Variants in NHS observed in about 807,000 individuals in gnomAD.
NHS encodes NHS actin remodeling regulator, also known as actin remodeling regulator NHS.
Under a neutral mutation model 72.5 loss-of-function variants are expected in NHS, and 5 were observed. That is an observed-to-expected ratio of 0.07 (90% CI 0.04 to 0.14). The LOEUF (loss-of-function observed/expected upper bound fraction) is 0.14, where lower values mean the gene tolerates loss of function less well. NHS is among the 10% of genes least tolerant of loss of function. The probability of loss-of-function intolerance (pLI) is 1.00; values close to 1 mark genes in which losing one functional copy is unlikely to be tolerated. For synonymous variants in NHS, 464 were observed against 547.7 expected (o/e 0.85, Z 2.13); for missense variants, 1,072 against 1,355.7 (o/e 0.79, Z 3.29).
At chrX:17,499,767 C>T (rs1238164514) in intron 1 of NHS, among the ~76,000 whole-genome samples, 1 of 111,587 alleles carries the variant, frequency 9.0e-6, no homozygotes, top group Non-Finnish European at 1.9e-5. Context: ...CTCTCATCGG[C>T]CAAGGAGAAC....
At chrX:17,465,822 C>T (rs1335778130) in intron 1 of NHS, among the ~76,000 whole-genome samples, 2 of 112,488 alleles carry the variant, frequency 1.8e-5, no homozygotes, top group Non-Finnish European at 3.8e-5. Context: ...CATGCCAAAG[C>T]TGTTTTACAT....
chrX:17,562,656 TTAATA>T (rs1426808027), intron 1 of NHS, among the ~76,000 whole-genome samples: 1 of 111,793 alleles, frequency 8.9e-6, no homozygotes, highest in Non-Finnish European at 1.9e-5. Context: ...TTTCTATCCT[TTAATA>T]AAATATAATG....
At chrX:17,684,134 C>T (rs1039663809) in intron 1 of NHS, among the ~76,000 whole-genome samples, 5 of 111,685 alleles carry the variant, frequency 4.5e-5, no homozygotes, top group Non-Finnish European at 9.4e-5. Flanking sequence ...CCTCTTTTGC[C>T]TTCTGCCATG....
At chrX:17,516,084 T>C (rs946407524) in intron 1 of NHS, among the ~76,000 whole-genome samples, 1 of 111,507 alleles carries the variant, frequency 9.0e-6, no homozygotes, top group Non-Finnish European at 1.9e-5. Flanking sequence ...TAATAGTATA[T>C]TTTATTAACC....
intron 3 of NHS, among the ~76,000 whole-genome samples, chrX:17,718,934 GAGGA>G (rs1325218290): frequency 1.1e-5 from 1 of 87,348 alleles, no homozygotes; most frequent in Admixed American, 1.3e-4. Flanking sequence ...AGGAAGGAAA[GAGGA>G]AGGAAGGAAG....
chrX:17,596,390 A>G (rs1286489895), intron 1 of NHS, among the ~76,000 whole-genome samples: 1 of 112,284 alleles, frequency 8.9e-6, no homozygotes, highest in Non-Finnish European at 1.9e-5. Context: ...CAAATATCCC[A>G]GACATGCCCA....
At chrX:17,682,859 G>T (rs2066137899) in intron 1 of NHS, among the ~76,000 whole-genome samples, 2 of 111,456 alleles carry the variant, frequency 1.8e-5, no homozygotes, top group Admixed American at 1.9e-4. Flanking sequence ...CAGGGCAGGG[G>T]AGATGGGGTT....
intron 1 of NHS, among the ~76,000 whole-genome samples, chrX:17,493,116 A>C (rs1244255468): frequency 8.9e-6 from 1 of 112,113 alleles, no homozygotes; most frequent in African/African-American, 3.2e-5. Context: ...ACCAGCTTCA[A>C]CTATTACCAA....
chrX:17,486,530 G>C (rs1021231915), intron 1 of NHS, among the ~76,000 whole-genome samples: 1 of 111,252 alleles, frequency 9.0e-6, no homozygotes, highest in Admixed American at 9.6e-5. Context: ...TGGGACAGTG[G>C]GCTCTCCAGG....
intron 1 of NHS, among the ~76,000 whole-genome samples, chrX:17,567,043 G>A (rs770610904): frequency 5.3e-5 from 6 of 112,214 alleles, no homozygotes; most frequent in South Asian, 3.8e-4. Context: ...GGCCTTTTCC[G>A]TTATGAAGCT....
chrX:17,601,344 A>G (rs2065648453), intron 1 of NHS, among the ~76,000 whole-genome samples: 1 of 111,957 alleles, frequency 8.9e-6, no homozygotes, highest in South Asian at 3.8e-4. Context: ...AAGTGGAGAG[A>G]TGACTCTGTA....
chrX:17,393,331 A>G (rs1343159346), intron 1 of NHS, among the ~76,000 whole-genome samples: 1 of 112,186 alleles, frequency 8.9e-6, no homozygotes, highest in Non-Finnish European at 1.9e-5. Flanking sequence ...GTAATGTAAA[A>G]GATTATCACT....
intron 1 of NHS, among the ~76,000 whole-genome samples, chrX:17,589,976 A>G (rs764647833): frequency 8.9e-6 from 1 of 112,020 alleles, no homozygotes; most frequent in Admixed American, 9.5e-5. Flanking sequence ...GGTCATTTGT[A>G]TATCTTCTTT....
intron 3 of NHS, among the ~76,000 whole-genome samples, chrX:17,707,237 G>A (rs2066301684): frequency 1.8e-5 from 2 of 111,773 alleles, no homozygotes; most frequent in Non-Finnish European, 3.8e-5. Context: ...GGTATGAGAC[G>A]GAGCCCCTAT....
intron 1 of NHS, among the ~76,000 whole-genome samples, chrX:17,668,342 T>G (rs186049346): frequency 9.0e-6 from 1 of 111,447 alleles, no homozygotes; most frequent in African/African-American, 3.3e-5. Flanking sequence ...TCTCAGAAAA[T>G]GAGCCATCAG....
chrX:17,587,232 A>G (rs1035523133), intron 1 of NHS: 8 of 112,578 alleles, frequency 7.1e-5, no homozygotes, highest in Non-Finnish European at 1.5e-4. Flanking sequence ...AATAAATTGA[A>G]CAGGCGCCCT....
At chrX:17,721,360 C>T (rs1217315168) in intron 4 of NHS, 81 bp from the exon 5 acceptor site, 1 of 1,029,614 alleles carries the variant, frequency 9.7e-7, no homozygotes, top group African/African-American at 1.8e-5. Context: ...CTCATTTTTT[C>T]TTCTCTAAAC....
chrX:17,717,704 A>G (rs2066372543), intron 3 of NHS, among the ~76,000 whole-genome samples: 1 of 112,104 alleles, frequency 8.9e-6, no homozygotes, highest in South Asian at 3.7e-4. Flanking sequence ...CCTGAAACCA[A>G]GTATGGGGGC....
chrX:17,520,515 A>G (rs761538832), intron 1 of NHS, among the ~76,000 whole-genome samples: 1 of 111,789 alleles, frequency 8.9e-6, no homozygotes, highest in Non-Finnish European at 1.9e-5. Flanking sequence ...TTGCTTCTCC[A>G]GTTGTGGACA....
Sources: gnomAD v4.1 joint callset for allele counts (sites outside exome capture counted in the v4.1 genomes callset) on GRCh38, gnomAD v4.1.1 for gene constraint, MANE v1.5 for transcripts, NCBI Gene and HGNC (gene_info 2026-07-23, HGNC 2026-07-21) for gene names.